RAP1A: variants seen among roughly 807,000 people sequenced by gnomAD.
RAP1A encodes the protein ras-related protein Rap-1A.
RAP1A carries 6 observed loss-of-function variants against 26.4 expected under a neutral mutation model. That is an observed-to-expected ratio of 0.23 (90% CI 0.12 to 0.45). The LOEUF (loss-of-function observed/expected upper bound fraction) is 0.45, where lower values mean the gene tolerates loss of function less well. Ranked by LOEUF, RAP1A falls within the 20% of genes least tolerant of loss-of-function variation. RAP1A has a pLI of 0.99. For missense variants in RAP1A, 121 were observed against 217.2 expected (o/e 0.56, Z 2.78); for synonymous variants, 73 against 79.4 (o/e 0.92, Z 0.43).
At chr1:111,603,538 T>A (rs1446789992) in intron 1 of RAP1A, among the ~76,000 whole-genome samples, 2 of 152,184 alleles carry the variant, frequency 1.3e-5, no homozygotes, top group Non-Finnish European at 2.9e-5. Flanking sequence ...GAATGTTCCT[T>A]TAGCTTGTAA....
intron 1 of RAP1A, chr1:111,649,476 A>G (rs1660192464): frequency 3.2e-6 from 1 of 314,996 alleles, no homozygotes; most frequent in Non-Finnish European, 6.3e-6. Context: ...GCCAGGCGCC[A>G]TAGCTGGCTG....
chr1:111,649,217 G>A (rs1480453183), intron 1 of RAP1A: 1 of 491,186 alleles, frequency 2.0e-6, no homozygotes, highest in African/African-American at 2.0e-5. Flanking sequence ...CCCTGAGCTG[G>A]GGTCCCTTCT....
chr1:111,670,479 T>A (rs11811609), intron 1 of RAP1A, among the ~76,000 whole-genome samples: 8,979 of 151,716 alleles, frequency 0.059, 608 homozygotes, highest in African/African-American at 0.16. Flanking sequence ...TGTCTCAAAC[T>A]AACAAACAAA....
chr1:111,641,272 T>A (rs945137033), intron 1 of RAP1A, among the ~76,000 whole-genome samples: 5 of 152,190 alleles, frequency 3.3e-5, no homozygotes, highest in Non-Finnish European at 5.9e-5. Context: ...CAGAGATAAG[T>A]TTTGTCAAGT....
chr1:111,549,272 T>C (rs1012472865), intron 1 of RAP1A, among the ~76,000 whole-genome samples: 9 of 152,028 alleles, frequency 5.9e-5, no homozygotes, highest in Non-Finnish European at 1.3e-4. Context: ...ATTTGAAAAT[T>C]TGGCAGAATT....
At chr1:111,643,577 T>A (rs186037412) in intron 1 of RAP1A, among the ~76,000 whole-genome samples, 102 of 152,326 alleles carry the variant, frequency 6.7e-4, no homozygotes, top group African/African-American at 2.3e-3. Flanking sequence ...TATTTAGGGT[T>A]CTTTGGTTGC....
chr1:111,627,195 C>T (rs1429450112), intron 1 of RAP1A, among the ~76,000 whole-genome samples: 1 of 151,994 alleles, frequency 6.6e-6, no homozygotes, highest in Non-Finnish European at 1.5e-5. Context: ...ATCCTATCAT[C>T]CAGAAAAAAT....
intron 1 of RAP1A, chr1:111,563,945 C>A (rs771271425): frequency 6.2e-7 from 1 of 1,613,528 alleles, no homozygotes; most frequent in Non-Finnish European, 8.5e-7. Context: ...TGCTGGAGAC[C>A]CTTCCATTGG....
intron 1 of RAP1A, among the ~76,000 whole-genome samples, chr1:111,664,112 G>A (rs920287153): frequency 4.6e-5 from 7 of 152,064 alleles, no homozygotes; most frequent in South Asian, 2.1e-4. Context: ...GGTGGCTCAC[G>A]CCTGTAATCC....
intron 1 of RAP1A, among the ~76,000 whole-genome samples, chr1:111,554,316 A>G (rs1350617576): frequency 6.6e-6 from 1 of 152,264 alleles, no homozygotes; most frequent in East Asian, 1.9e-4. Flanking sequence ...AACCTTTCTT[A>G]AAAACCTCTC....
At chr1:111,543,035 CAA>C (rs1459007681) in intron 1 of RAP1A, among the ~76,000 whole-genome samples, 1 of 152,082 alleles carries the variant, frequency 6.6e-6, no homozygotes, top group African/African-American at 2.4e-5. Flanking sequence ...AAACTAAAAT[CAA>C]AAGTCTATTT....
At chr1:111,596,769 C>T (rs1210389810) in intron 1 of RAP1A, among the ~76,000 whole-genome samples, 1 of 152,196 alleles carries the variant, frequency 6.6e-6, no homozygotes, top group Non-Finnish European at 1.5e-5. Context: ...GGTGAGGAAA[C>T]TCACCAGAGT....
intron 1 of RAP1A, among the ~76,000 whole-genome samples, chr1:111,635,912 A>G (rs1168946222): frequency 6.6e-6 from 1 of 152,088 alleles, no homozygotes; most frequent in Non-Finnish European, 1.5e-5. Context: ...AAAGATCCCT[A>G]GGGACTGGAA....
At chr1:111,707,929 C>T (rs989907026) in intron 6 of RAP1A, among the ~76,000 whole-genome samples, 2 of 152,160 alleles carry the variant, frequency 1.3e-5, no homozygotes, top group African/African-American at 4.8e-5. Context: ...AATCTTAGCA[C>T]TTTGGGAGGC....
At chr1:111,688,639 T>C (rs1189337034) in intron 1 of RAP1A, among the ~76,000 whole-genome samples, 1 of 151,776 alleles carries the variant, frequency 6.6e-6, no homozygotes, top group Admixed American at 6.6e-5. Flanking sequence ...ATATTTTAAC[T>C]TTGTTTCTAT....
intron 1 of RAP1A, among the ~76,000 whole-genome samples, chr1:111,689,946 G>A (rs1661618487): frequency 6.6e-6 from 1 of 152,178 alleles, no homozygotes; most frequent in South Asian, 2.1e-4. Flanking sequence ...AAAGTGCTGG[G>A]ATTACAGGCG....
upstream of RAP1A, among the ~76,000 whole-genome samples, chr1:111,617,812 G>A (rs182105281): frequency 4.0e-5 from 6 of 151,674 alleles, no homozygotes; most frequent in South Asian, 6.2e-4. Flanking sequence ...GGGAGGCCGA[G>A]GCGGGTGGAT....
intron 1 of RAP1A, among the ~76,000 whole-genome samples, chr1:111,668,229 C>G (rs200751771): frequency 1.3e-5 from 2 of 152,140 alleles, no homozygotes; most frequent in Non-Finnish European, 2.9e-5. Context: ...CAGGCACTTG[C>G]AGAAGCAAAT....
rs192366695 is a variant in RAP1A, at chr1:111,712,177, A to G, written c.*30-254A>G. On this transcript the variant is annotated intron_variant, in intron 7 of 7. Transcript: ENST00000369709. ...ACACTATAATTGAGTATAACTAAGT[A>G]TAACTGAGGATAATTCAAGTTGATC... is the stretch of plus-strand genomic sequence containing the variant. Among the ~76,000 whole-genome samples the G allele has an allele frequency of 4.6e-5, 7 of 152,274 alleles. No homozygotes were observed. The East Asian group carries it at 1.3e-3, about 29-fold the overall frequency.
Sources: gnomAD v4.1 joint callset for allele counts (sites outside exome capture counted in the v4.1 genomes callset) on GRCh38, gnomAD v4.1.1 for gene constraint, MANE v1.5 for transcripts, NCBI Gene and HGNC (gene_info 2026-07-23, HGNC 2026-07-21) for gene names.